Variants in CUX1 observed in about 807,000 individuals in gnomAD.
CUX1 encodes the protein protein CASP.
Under a neutral mutation model 158.8 loss-of-function variants are expected in CUX1, and 31 were observed. The ratio of observed to expected loss-of-function variants is 0.20; its 90% CI spans 0.15 to 0.26. The LOEUF is 0.26. CUX1 is among the 10% of genes least tolerant of loss of function. The pLI, the probability that CUX1 is intolerant of heterozygous loss-of-function variation, is 1.00. For synonymous variants in CUX1, 879 were observed against 862.1 expected (o/e 1.02, Z -0.34); for missense variants, 1,589 against 2,014.6 (o/e 0.79, Z 4.04).
chr7:102,176,043 G>A (rs535148898), intron 10 of CUX1, among the ~76,000 whole-genome samples: 2 of 152,344 alleles, frequency 1.3e-5, no homozygotes, highest in African/African-American at 4.8e-5. Flanking sequence ...GCCGACAGGA[G>A]ATGCTCGCTC....
At chr7:101,991,423 A>T (rs530675774) in intron 2 of CUX1, among the ~76,000 whole-genome samples, 3 of 152,176 alleles carry the variant, frequency 2.0e-5, no homozygotes, top group Admixed American at 2.0e-4. Flanking sequence ...CATCTAGCCT[A>T]TGTATTGGAT....
At chr7:102,199,021 G>C (rs1795098046) in intron 16 of CUX1, among the ~76,000 whole-genome samples, 154 bp downstream of exon 16, 1 of 152,132 alleles carries the variant, frequency 6.6e-6, no homozygotes, top group South Asian at 2.1e-4. Flanking sequence ...ACGGGTTCAA[G>C]CACACCCAGC....
At chr7:102,195,648 C>T in intron 14 of CUX1, 45 bp downstream of exon 14, 4 of 1,532,388 alleles carry the variant, frequency 2.6e-6, no homozygotes, top group Non-Finnish European at 3.5e-6. Context: ...TGGTTCGCTT[C>T]CAGGGGTCGG....
intron 3 of CUX1, among the ~76,000 whole-genome samples, chr7:102,069,129 C>T (rs1205111137): frequency 1.3e-5 from 2 of 152,156 alleles, no homozygotes; most frequent in Non-Finnish European, 2.9e-5. Flanking sequence ...CACCCACAAC[C>T]ACTGCCCAGC....
At position 101,916,024 on chromosome 7, in the gene CUX1, C is replaced by A; in HGVS notation, c.31-91C>A. 4 of 867,884 alleles carry A rather than the reference C, an allele frequency of 4.6e-6. No homozygotes were observed. The highest frequency in any genetic ancestry group is 2.5e-5 in the East Asian group (1 of 39,776). The allele number at this position is 867,884 out of a possible 1,614,324, so 53.8% of individuals were successfully genotyped here. On this transcript the variant is annotated intron_variant, in intron 1 of 23. Transcript: ENST00000292535. This position sits in a 1 kb window ranked among gnomAD's most constrained non-coding sequence, Gnocchi z 4.4. Reference sequence around the variant, plus strand: ...GTTCCTTAGAGCCACTGGGGTCTCTCCCCCAGTGTTCTGGTCAAATGCAAA... The same window carrying A: ...GTTCCTTAGAGCCACTGGGGTCTCTACCCCAGTGTTCTGGTCAAATGCAAA...
At chr7:102,181,953 G>A (rs574844404) in intron 11 of CUX1, among the ~76,000 whole-genome samples, 13 of 152,308 alleles carry the variant, frequency 8.5e-5, no homozygotes, top group African/African-American at 3.1e-4. Flanking sequence ...TGATGCTTTT[G>A]CCATGGGGAA....
intron 20 of CUX1, among the ~76,000 whole-genome samples, chr7:102,217,031 G>T (rs576387375): frequency 1.3e-5 from 2 of 152,170 alleles, no homozygotes; most frequent in African/African-American, 4.8e-5. Flanking sequence ...GCACAGGGAC[G>T]CATTGATAAG....
chr7:102,133,467 CTTTTTTTTTTTTT>C (rs11266929), intron 8 of CUX1, among the ~76,000 whole-genome samples: 3 of 90,576 alleles, frequency 3.3e-5, no homozygotes, highest in African/African-American at 1.5e-4. Context: ...AAAAATACAT[CTTTTTTTTTTTTT>C]TTTTTTTTTT....
intron 19 of CUX1, 64 bp downstream of exon 19, chr7:102,204,620 C>A: frequency 6.3e-7 from 1 of 1,580,808 alleles, no homozygotes; most frequent in Non-Finnish European, 8.6e-7. Context: ...GTCACAGCAG[C>A]CCCACCTGGG....
intron 4 of CUX1, among the ~76,000 whole-genome samples, chr7:102,076,299 C>T (rs1176141088): frequency 2.0e-5 from 3 of 151,834 alleles, no homozygotes; most frequent in African/African-American, 4.8e-5. Flanking sequence ...GCAGGACAGT[C>T]GGTTGAACCC....
chr7:102,250,053 A>G lies in CUX1; in HGVS notation c.*1011A>G. ...TAGGCCAAATCAGGACAAAAAAAAG[A>G]AAAAAAAAGAAAAAAAAAAAAGAAA... On this transcript the variant is annotated 3_prime_UTR_variant, in exon 24 of 24. Coordinates refer to ENST00000292535, the MANE Select transcript of CUX1 (RefSeq NM_181552.4). 1.0e-6 allele frequency: 1 copy of G among 975,640 alleles called. No individual in the cohort carries two copies. Among genetic ancestry groups the G allele is most frequent in the South Asian group, 4.7e-5 (1 of 21,064 alleles). 60.4% of individuals were successfully genotyped at this position (975,640 alleles called of 1,614,324 possible). A position where few individuals can be genotyped will look rare whatever the true frequency, so the allele number is the denominator to read the frequency against.
chr7:102,062,675 A>AT (rs1341647999), intron 3 of CUX1, among the ~76,000 whole-genome samples: 1 of 152,000 alleles, frequency 6.6e-6, no homozygotes. Context: ...CCAATTTTTT[A>AT]TTTTTTGTAG....
At chr7:102,276,846 G>A (rs1791639900) in intron 17 of CUX1, among the ~76,000 whole-genome samples, 1 of 152,096 alleles carries the variant, frequency 6.6e-6, no homozygotes, top group East Asian at 1.9e-4. Context: ...TTCTTATTGG[G>A]GTGATTTTAA....
chr7:102,216,849 TCC>T (rs1797271316), intron 20 of CUX1, among the ~76,000 whole-genome samples: 3 of 142,968 alleles, frequency 2.1e-5, no homozygotes, highest in Admixed American at 7.3e-5. Flanking sequence ...ACATTCTCTC[TCC>T]CTCACACACA....
At chr7:102,010,589 A>G (rs1817884784) in intron 2 of CUX1, among the ~76,000 whole-genome samples, 1 of 152,130 alleles carries the variant, frequency 6.6e-6, no homozygotes, top group African/African-American at 2.4e-5. Flanking sequence ...AGTAGAGATG[A>G]CATTGTCTGT....
Position 101,919,879 on chromosome 7 carries a change from C to T in CUX1, c.141+3654C>T, listed in dbSNP as rs998236178. ...GTGTGGTGGCTGGGACTCTGACAGG[C>T]GGGAGAAGCCACAGGAACATCAGGA... is the stretch of plus-strand genomic sequence containing the variant. On this transcript the variant is annotated intron_variant, in intron 2 of 23. Transcript: ENST00000292535. Among the ~76,000 whole-genome samples the T allele has an allele frequency of 1.3e-5, 2 of 152,024 alleles. 1 individual carries two copies.
intron 21 of CUX1, among the ~76,000 whole-genome samples, chr7:102,233,360 T>C (rs1352982606): frequency 1.3e-5 from 2 of 151,984 alleles, no homozygotes; most frequent in Non-Finnish European, 1.5e-5. Flanking sequence ...TAATTTTTTG[T>C]GTGTGTATTT....
intron 1 of CUX1, among the ~76,000 whole-genome samples, chr7:101,856,743 C>T (rs150398032): frequency 1.9e-4 from 29 of 152,308 alleles, no homozygotes; most frequent in East Asian, 1.5e-3. Context: ...CCGACTTTCA[C>T]GAGGAGTTGA....
chr7:101,844,972 C>T (rs974839026), intron 1 of CUX1, among the ~76,000 whole-genome samples: 4 of 152,160 alleles, frequency 2.6e-5, no homozygotes, highest in Non-Finnish European at 5.9e-5. Context: ...CTTCCACCTA[C>T]CTATCTTATT....
Sources: allele counts gnomAD v4.1 joint callset (sites outside exome capture counted in the v4.1 genomes callset), GRCh38; gene constraint gnomAD v4.1.1; non-coding constraint Gnocchi (gnomAD v3.1); transcripts MANE v1.5; gene names NCBI Gene and HGNC (gene_info 2026-07-23, HGNC 2026-07-21).